The following AMY2B variants were observed in gnomAD, a reference collection of about 807,000 sequenced individuals.
AMY2B encodes alpha-amylase 2B.
AMY2B carries 63 observed loss-of-function variants against 59.3 expected under a neutral mutation model. That is an observed-to-expected ratio of 1.06 (90% confidence interval 0.87 to 1.31). The LOEUF is 1.31. Among genes scored for constraint, AMY2B ranks in the 50% most tolerant of loss-of-function variants. The pLI, the probability that AMY2B is intolerant of heterozygous loss-of-function variation, is 0.00. For synonymous variants in AMY2B, 180 were observed against 198.1 expected (o/e 0.91, Z 0.77); for missense variants, 635 against 626.7 (o/e 1.01, Z -0.14).
intron 9 of AMY2B, among the ~76,000 whole-genome samples, chr1:103,578,616 G>T (rs1233146875): frequency 6.6e-6 from 1 of 151,920 alleles, no homozygotes; most frequent in Non-Finnish European, 1.5e-5. Context: ...AAATCTAGTT[G>T]ATCTCTTTCC....
intron 2 of AMY2B, among the ~76,000 whole-genome samples, chr1:103,566,215 T>C (rs1651906431): frequency 6.6e-6 from 1 of 152,194 alleles, no homozygotes; most frequent in Non-Finnish European, 1.5e-5. Flanking sequence ...AAAGAACTTT[T>C]CCTACCAATT....
upstream of AMY2B, chr1:103,570,271 G>A (rs1026030323): frequency 4.3e-5 from 24 of 560,012 alleles, no homozygotes; most frequent in African/African-American, 3.4e-4. Context: ...GAAGAGATAT[G>A]AGCTGCCTGA....
chr1:103,579,530 C>T lies in AMY2B; in HGVS notation c.*30C>T, dbSNP rs762882847. ...TAAAATTAAATGCATATCCTCAAAA[C>T]AATAGCCAAGTGTGTTTCTTTTCTT... On this transcript the variant is annotated 3_prime_UTR_variant, in exon 10 of 10. Coordinates refer to ENST00000684275, the MANE Select transcript of AMY2B (RefSeq NM_001387437.1). 3 of 1,601,052 alleles carry T rather than the reference C, an allele frequency of 1.9e-6. No individual in the cohort carries two copies. Among genetic ancestry groups the T allele is most frequent in the South Asian group, 2.3e-5 (2 of 88,608 alleles).
chr1:103,578,870 G>T (rs1652466134), intron 9 of AMY2B, among the ~76,000 whole-genome samples: 1 of 125,452 alleles, frequency 8.0e-6, no homozygotes, highest in Non-Finnish European at 1.6e-5. Flanking sequence ...GGGGAGGGGG[G>T]AGGGATAGCA....
At chr1:103,555,755 T>TA (rs1491470948) in intron 1 of AMY2B, among the ~76,000 whole-genome samples, 5 of 152,122 alleles carry the variant, frequency 3.3e-5, no homozygotes, top group Non-Finnish European at 7.4e-5. Context: ...AGACAACTCT[T>TA]AAAGAGTCTT....
At chr1:103,558,760 C>T (rs916231916) in intron 1 of AMY2B, among the ~76,000 whole-genome samples, 13 of 136,576 alleles carry the variant, frequency 9.5e-5, no homozygotes, top group Non-Finnish European at 1.7e-4. Context: ...GAGACCCCAA[C>T]TGAAAAAAAA....
intron 1 of AMY2B, among the ~76,000 whole-genome samples, chr1:103,558,602 C>A (rs767788333): frequency 6.6e-5 from 10 of 151,896 alleles, no homozygotes; most frequent in Non-Finnish European, 1.0e-4. Context: ...ACAACAACAA[C>A]AAAAACCTAC....
At chr1:103,573,328 A>T in intron 3 of AMY2B, 68 bp downstream of exon 3, 1 of 1,603,896 alleles carries the variant, frequency 6.2e-7, no homozygotes. Context: ...ACATGTAGCT[A>T]ATTGAACTTC....
At chr1:103,574,529 GC>G (rs1166931336) in intron 5 of AMY2B, 136 bp downstream of exon 5, 107 of 1,523,648 alleles carry the variant, frequency 7.0e-5, no homozygotes, top group Non-Finnish European at 8.3e-5. Context: ...GTATTCTAGT[GC>G]CCTAAACTCT....
intron 5 of AMY2B, among the ~76,000 whole-genome samples, chr1:103,574,806 G>A (rs1376305281): frequency 1.3e-5 from 2 of 151,342 alleles, no homozygotes; most frequent in South Asian, 2.1e-4. Flanking sequence ...CAGTATTGAA[G>A]CCTTATTTTA....
In AMY2B at chr1:103,573,249, G is replaced by A; in HGVS notation, c.502G>A (p.Asp168Asn). The change falls in exon 3 of 10, where the codon GAT becomes AAT. Residue 168 changes from aspartate to asparagine, a missense_variant. Transcript: ENST00000684275. ...TGSGDIENYN[D>N]ATQVRDCRLV... ...AAGTGGAGATATCGAGAACTACAAT[G>A]ATGCTACTCAGGTAAATTTTTTTAT... 1 of 1,613,586 alleles carries A rather than the reference G, an allele frequency of 6.2e-7. No individual in the cohort carries two copies. The highest frequency in any genetic ancestry group is 8.5e-7 in the Non-Finnish European group (1 of 1,179,592).
chr1:103,557,771 T>C (rs1160495829), intron 1 of AMY2B, among the ~76,000 whole-genome samples: 1 of 152,196 alleles, frequency 6.6e-6, no homozygotes, highest in Non-Finnish European at 1.5e-5. Flanking sequence ...TGAGCAGTTT[T>C]ATGAAACTTT....
In AMY2B at chr1:103,571,612, T is replaced by C. The variant is rs777350561; in HGVS notation, c.10T>C (p.Phe4Leu). 8.7e-6 allele frequency: 14 copies of C among 1,611,098 alleles called. No individual in the cohort carries two copies. Among genetic ancestry groups the C allele is most frequent in the South Asian group, 2.2e-5 (2 of 90,988 alleles). The stretch of plus-strand genomic sequence containing the variant: ...ACAACTTCAAAGCAAAATGAAGTTC[T>C]TTCTGTTGCTTTTCACCATTGGGTT... MKF[F>L]LLLFTIGFCW... Residue 4 changes from phenylalanine to leucine, a missense_variant, in exon 1 of 10, where the codon TTT becomes CTT. Coordinates refer to ENST00000684275, the MANE Select transcript of AMY2B (RefSeq NM_001387437.1).
In AMY2B at chr1:103,573,236, C is replaced by G. The variant is rs776379141; in HGVS notation, c.489C>G (p.Ile163Met). The change falls in exon 3 of 10, where the codon ATC (isoleucine) becomes ATG (methionine). Residue 163 changes from isoleucine to methionine, a missense_variant. Ile to Met is a conservative substitution (Grantham distance 10). Coordinates refer to ENST00000684275, the MANE Select transcript of AMY2B (RefSeq NM_001387437.1). ...AATGTAAAACTGGAAGTGGAGATAT[C>G]GAGAACTACAATGATGCTACTCAGG... Reference protein sequence around the residue: ...DGKCKTGSGDIENYNDATQVR... With the variant: ...DGKCKTGSGDMENYNDATQVR... 6 of 1,613,564 alleles carry G rather than the reference C, an allele frequency of 3.7e-6. No individual in the cohort carries two copies. In the Admixed American group the frequency reaches 5.0e-5, roughly 13 times the overall value.
chr1:103,557,614 C>T lies in AMY2B; in HGVS notation c.-207+2505C>T, dbSNP rs188986495. Among the ~76,000 whole-genome samples the T allele has an allele frequency of 1.0e-3, 153 of 151,180 alleles. 1 individual carries two copies. Among genetic ancestry groups the T allele is most frequent in the Admixed American group, 3.8e-3 (57 of 15,168 alleles). On this transcript the variant is annotated intron_variant, in intron 1 of 11. Coordinates refer to the AMY2B transcript ENST00000361355. ...GTTGCAGTGAGCCGAGATTGGGCCACTGCACTCCAGCTTCAGTGATGGAGT... is the reference window on the plus strand; with the variant it reads ...GTTGCAGTGAGCCGAGATTGGGCCATTGCACTCCAGCTTCAGTGATGGAGT...
At chr1:103,573,310 T>G in intron 3 of AMY2B, 50 bp downstream of exon 3, 1 of 1,611,496 alleles carries the variant, frequency 6.2e-7, no homozygotes, top group Non-Finnish European at 8.5e-7. Flanking sequence ...ATATGCCTTT[T>G]CTTGTAGACA....
chr1:103,568,787 A>ATT (rs1373073222), upstream of AMY2B: 1 of 151,362 alleles, frequency 6.6e-6, no homozygotes, highest in Non-Finnish European at 1.5e-5. Flanking sequence ...TATACACTGC[A>ATT]TTATATATAT....
intron 1 of AMY2B, among the ~76,000 whole-genome samples, chr1:103,559,176 C>G (rs148808465): frequency 1.4e-4 from 21 of 152,284 alleles, no homozygotes; most frequent in Non-Finnish European, 2.8e-4. Context: ...ATGGTGAATA[C>G]AGTCGTGCAC....
chr1:103,573,089 T>C lies in AMY2B; in HGVS notation c.342T>C (p.Ile114=). The stretch of plus-strand genomic sequence containing the variant: ...TTCGTATTTATGTGGATGCTGTAAT[T>C]AATCATATGTCTGGTAATGCTGTGA... The part of the protein sequence containing the change: ...VGVRIYVDAV[I]NHMSGNAVSA... The change falls in exon 3 of 10, where the codon ATT becomes ATC. Residue 114 remains isoleucine (I), a synonymous_variant. Coordinates refer to ENST00000684275, the MANE Select transcript of AMY2B (RefSeq NM_001387437.1). 1 of 1,613,778 alleles carries C rather than the reference T, an allele frequency of 6.2e-7. No homozygotes were observed. Among genetic ancestry groups the C allele is most frequent in the Non-Finnish European group, 8.5e-7 (1 of 1,179,698 alleles).
Sources: allele counts gnomAD v4.1 joint callset (sites outside exome capture counted in the v4.1 genomes callset), GRCh38; gene constraint gnomAD v4.1.1; transcripts MANE v1.5; gene names NCBI Gene and HGNC (gene_info 2026-07-23, HGNC 2026-07-21).